The following COBL variants were observed in gnomAD, a reference collection of about 807,000 sequenced individuals.
The protein encoded by COBL is cordon-bleu WH2 repeat protein.
COBL carries 51 observed loss-of-function variants against 98.8 expected under a neutral mutation model. That is an observed-to-expected ratio of 0.52 (90% confidence interval 0.41 to 0.65). COBL has a LOEUF of 0.65. COBL is among the 30% of genes least tolerant of loss of function. COBL has a pLI of 0.00. For missense variants in COBL, 1,617 were observed against 1,617.5 expected (o/e 1.00, Z 0.01); for synonymous variants, 634 against 651.7 (o/e 0.97, Z 0.41).
chr7:51,064,467 T>C (rs1369871306), intron 7 of COBL: 3 of 152,086 alleles, frequency 2.0e-5, no homozygotes, highest in Non-Finnish European at 2.9e-5. Flanking sequence ...CCACTGACAA[T>C]GGATGGATAA....
chr7:51,291,080 C>T lies in COBL; in HGVS notation c.41+25513G>A, dbSNP rs115799096. On this transcript the variant is annotated intron_variant, in intron 1 of 12. Coordinates refer to ENST00000265136, the MANE Select transcript of COBL (RefSeq NM_015198.5). ...CAGATGAACGGCTAGCTGCATGGAG[C>T]GCCAGAGCAAGGAAAGCAGAAATCC... Among the ~76,000 whole-genome samples, 1,153 of 152,264 alleles carry T rather than the reference C, an allele frequency of 7.6e-3. 15 individuals carry two copies. Among genetic ancestry groups the T allele is most frequent in the African/African-American group, 0.027 (1,120 of 41,538 alleles).
intron 7 of COBL, among the ~76,000 whole-genome samples, chr7:51,081,438 C>T (rs1448314721): frequency 1.3e-5 from 2 of 152,206 alleles, no homozygotes; most frequent in African/African-American, 4.8e-5. Context: ...CTCCTTCCGG[C>T]TCAGACCTGT....
rs567108080 is a variant in COBL at position 51,217,081 on chromosome 7, T to C, written c.245+2660A>G. The stretch of plus-strand genomic sequence containing the variant: ...TTCAGGAAACCATGAGAAGGGATAA[T>C]AATTCACTACTTAAGAAAGATAACA... On this transcript the variant is annotated intron_variant, in intron 2 of 12. Coordinates refer to ENST00000265136, the MANE Select transcript of COBL (RefSeq NM_015198.5). 3.3e-5 allele frequency among the ~76,000 whole-genome samples: 5 copies of C among 152,342 alleles called. No homozygotes were observed. In the South Asian group the frequency reaches 1.0e-3, roughly 32 times the overall value.
chr7:51,020,444 G>A (rs1207248816), intron 12 of COBL, among the ~76,000 whole-genome samples: 3 of 152,214 alleles, frequency 2.0e-5, no homozygotes, highest in Non-Finnish European at 4.4e-5. Context: ...AAGCAGCTCC[G>A]ACAGTGCCCG....
intron 6 of COBL, among the ~76,000 whole-genome samples, chr7:51,130,824 A>C (rs149500959): frequency 1.3e-5 from 2 of 152,372 alleles, no homozygotes; most frequent in African/African-American, 4.8e-5. Flanking sequence ...CAGGAAATGG[A>C]ACTTCAAGTA....
In COBL at chr7:51,085,207, T is replaced by A. The variant is rs780349607; in HGVS notation, c.1055A>T (p.Asn352Ile). 5 of 1,613,858 alleles carry A rather than the reference T, an allele frequency of 3.1e-6. No homozygotes were observed. The South Asian group carries it at 4.4e-5, about 14-fold the overall frequency. Residue 352 changes from asparagine (N) to isoleucine (I), a missense_variant, in exon 7 of 13, where the codon AAC (asparagine) becomes ATC (isoleucine). By Grantham distance (149) the Asn-to-Ile change is moderately radical. Around this residue, in one of 3 missense-constraint regions of COBL, gnomAD observed 1,304 missense variants for 1,282.0 expected, o/e 1.02. Transcript: ENST00000265136. ...QPPPPSPLIP[N>I]RTEDKEENRK... ...GTTCTCCTCCTTATCCTCAGTGCGG[T>A]TGGGGATCAGGGGACTCGGTGGTGG... is the stretch of plus-strand genomic sequence containing the variant.
At chr7:51,258,776 A>G (rs1306182999) in intron 1 of COBL, among the ~76,000 whole-genome samples, 1 of 152,224 alleles carries the variant, frequency 6.6e-6, no homozygotes, top group Non-Finnish European at 1.5e-5. Context: ...CATATCTTTA[A>G]GTCCTTTTTG....
chr7:51,118,131 G>C (rs1286103874), intron 6 of COBL, among the ~76,000 whole-genome samples: 2 of 152,166 alleles, frequency 1.3e-5, no homozygotes, highest in East Asian at 1.9e-4. Flanking sequence ...AATTAGGCTA[G>C]AACAAATGGG....
At position 51,028,120 on chromosome 7, in the gene COBL, G is replaced by A. The variant is rs1199471315; in HGVS notation, c.2976C>T (p.Ser992=). 8 of 1,614,196 alleles carry A rather than the reference G, an allele frequency of 5.0e-6. No individual in the cohort carries two copies. The highest frequency in any genetic ancestry group is 6.8e-6 in the Non-Finnish European group (8 of 1,180,028). The part of the protein sequence containing the change: ...SQRDRVSVGQ[S]CGFSGKQSTS... ...TGCTTTGCTTTCCACTGAAACCACA[G>A]CTCTGTCCCACAGAAACACGATCCC... is the stretch of plus-strand genomic sequence containing the variant. Residue 992 remains serine, a synonymous_variant, in exon 10 of 13, where the codon AGC becomes AGT. Transcript: ENST00000265136.
At chr7:51,306,988 C>CA (rs1802535188) in intron 1 of COBL, among the ~76,000 whole-genome samples, 1 of 152,090 alleles carries the variant, frequency 6.6e-6, no homozygotes, top group South Asian at 2.1e-4. Flanking sequence ...GCAGAGTGGC[C>CA]AACGATGAGG....
chr7:51,275,758 C>A (rs1799259386), intron 1 of COBL, among the ~76,000 whole-genome samples: 1 of 152,172 alleles, frequency 6.6e-6, no homozygotes, highest in South Asian at 2.1e-4. Flanking sequence ...AAACACAGAG[C>A]CCAGAAGGCT....
At position 51,016,389 on chromosome 7, in the gene COBL, C is replaced by T. The variant is rs1457291131; in HGVS notation, c.*1162G>A. On this transcript the variant is annotated 3_prime_UTR_variant, in exon 13 of 13. Transcript: ENST00000265136. ...TCGCTGTGAAACATTAAAGTGACCT[C>T]ACCATACTTGTTTTCTCACTCAGAT... The T allele has an allele frequency of 1.3e-5, 2 of 152,258 alleles. No individual in the cohort carries two copies. The highest frequency in any genetic ancestry group is 4.8e-5 in the African/African-American group (2 of 41,456). 9.4% of individuals were successfully genotyped at this position (152,258 alleles called of 1,614,324 possible).
chr7:51,264,304 G>A (rs1273653450), intron 1 of COBL, among the ~76,000 whole-genome samples: 4 of 152,168 alleles, frequency 2.6e-5, no homozygotes, highest in Non-Finnish European at 5.9e-5. Context: ...CAGCCACACA[G>A]GGCACAGAGA....
At chr7:51,133,319 A>G (rs1336761223) in intron 6 of COBL, among the ~76,000 whole-genome samples, 3 of 152,242 alleles carry the variant, frequency 2.0e-5, no homozygotes, top group African/African-American at 7.2e-5. Flanking sequence ...AAAACTGCAT[A>G]TAATTATTAT....
chr7:51,040,852 T>C (rs1005386933), intron 8 of COBL, among the ~76,000 whole-genome samples: 1 of 152,194 alleles, frequency 6.6e-6, no homozygotes, highest in Non-Finnish European at 1.5e-5. Context: ...TTAACCCTCA[T>C]TATTTGGATA....
chr7:51,177,929 G>T (rs1240156169), intron 5 of COBL, among the ~76,000 whole-genome samples: 2 of 152,072 alleles, frequency 1.3e-5, no homozygotes, highest in Non-Finnish European at 2.9e-5. Context: ...TGGATCACAT[G>T]AGAGTCAGGA....
intron 5 of COBL, among the ~76,000 whole-genome samples, chr7:51,178,283 T>C (rs769825993): frequency 4.6e-5 from 7 of 151,850 alleles, no homozygotes; most frequent in Non-Finnish European, 7.4e-5. Flanking sequence ...ATTAATGAAA[T>C]ACAAAAATGA....
At chr7:51,158,830 T>C (rs974421400) in intron 5 of COBL, among the ~76,000 whole-genome samples, 2 of 151,132 alleles carry the variant, frequency 1.3e-5, no homozygotes, top group Non-Finnish European at 2.9e-5. Context: ...GGGGTGTCCA[T>C]AGGGCGGGGG....
At chr7:51,143,767 T>C (rs1423166015) in intron 5 of COBL, among the ~76,000 whole-genome samples, 1 of 152,260 alleles carries the variant, frequency 6.6e-6, no homozygotes, top group East Asian at 1.9e-4. Flanking sequence ...GGAAAAAAGC[T>C]GATCAGATTT....
Sources: gnomAD v4.1 joint callset for allele counts (sites outside exome capture counted in the v4.1 genomes callset) on GRCh38, gnomAD v4.1.1 for gene constraint, gnomAD v4.1.1 regional missense constraint, MANE v1.5 for transcripts, NCBI Gene and HGNC (gene_info 2026-07-23, HGNC 2026-07-21) for gene names.